The following PCNX1 variants were observed in gnomAD, a reference collection of about 807,000 sequenced individuals.
PCNX1 encodes the protein pecanex 1, also known as pecanex-like protein 1.
Under a neutral mutation model 242.2 loss-of-function variants are expected in PCNX1, and 78 were observed. That is an observed-to-expected ratio of 0.32 (90% CI 0.27 to 0.39). PCNX1 has a LOEUF of 0.39. Ranked by LOEUF, PCNX1 falls within the 10% of genes least tolerant of loss-of-function variation. The pLI, the probability that PCNX1 is intolerant of heterozygous loss-of-function variation, is 1.00. For synonymous variants in PCNX1, 1,024 were observed against 1,032.9 expected (o/e 0.99, Z 0.17); for missense variants, 2,581 against 2,856.5 (o/e 0.90, Z 2.20).
intron 12 of PCNX1, among the ~76,000 whole-genome samples, chr14:71,022,976 C>A (rs182500621): frequency 6.2e-4 from 94 of 152,130 alleles, no homozygotes; most frequent in Non-Finnish European, 1.0e-3. Flanking sequence ...ACATAATAAT[C>A]TTATTTCCTG....
intron 33 of PCNX1, among the ~76,000 whole-genome samples, chr14:71,106,074 T>C (rs10151552): frequency 1.7e-3 from 258 of 151,736 alleles, no homozygotes; most frequent in African/African-American, 5.8e-3. Context: ...AGTGCAGTGG[T>C]GCCATCTCGG....
intron 8 of PCNX1, among the ~76,000 whole-genome samples, chr14:71,003,979 A>G (rs1291101081): frequency 1.3e-5 from 2 of 152,232 alleles, no homozygotes; most frequent in East Asian, 1.9e-4. Context: ...CCTGATTTCC[A>G]TTGTATCATG....
At position 71,028,730 on chromosome 14, in the gene PCNX1, GTT is replaced by G; in HGVS notation, c.3500_3501del (p.Phe1167TyrfsTer3). The G allele has an allele frequency of 6.2e-7, 1 of 1,608,154 alleles. No individual in the cohort carries two copies. Among genetic ancestry groups the G allele is most frequent in the Non-Finnish European group, 8.5e-7 (1 of 1,177,188 alleles). On this transcript the variant is annotated frameshift_variant, in exon 16 of 36. Coordinates refer to ENST00000304743, the MANE Select transcript of PCNX1 (RefSeq NM_014982.3). LOFTEE classifies it high-confidence loss of function. ...ACAAGCCTGCTTGCAGCACTTTACAGTTTTATCTGTAGCATTGTTGCAGTAGC... is the reference window on the plus strand; with the variant it reads ...ACAAGCCTGCTTGCAGCACTTTACAGTTATCTGTAGCATTGTTGCAGTAGC...
chr14:70,978,009 A>G lies in PCNX1; in HGVS notation c.1672A>G (p.Lys558Glu). ...AATCCATCGGACAGCTTCTGCCCACAAGTCAGGCAGGAGACGCACAGGAAA... is the reference window on the plus strand; with the variant it reads ...AATCCATCGGACAGCTTCTGCCCACGAGTCAGGCAGGAGACGCACAGGAAA... ...SVIHRTASAH[K>E]SGRRRTGKKR... is the part of the protein sequence containing the mutation. The change falls in exon 6 of 36, where the codon AAG becomes GAG. Residue 558 changes from lysine (K) to glutamate (E), a missense_variant. Transcript: ENST00000304743. The G allele has an allele frequency of 6.2e-7, 1 of 1,614,136 alleles. No homozygotes were observed.
chr14:71,031,798 A>G (rs2060392701), intron 16 of PCNX1: 5 of 1,475,090 alleles, frequency 3.4e-6, no homozygotes, highest in Non-Finnish European at 4.7e-6. Flanking sequence ...CAGGGAGCCC[A>G]TGCATAGCTT....
Position 71,013,108 on chromosome 14 carries a change from C to T in PCNX1, c.2902C>T (p.Gln968Ter), listed in dbSNP as rs982641843. 1 of 1,614,060 alleles carries T rather than the reference C, an allele frequency of 6.2e-7. No homozygotes were observed. The highest frequency in any genetic ancestry group is 1.1e-5 in the South Asian group (1 of 91,072). Residue 968 changes from glutamine to a stop codon, truncating the protein, a stop_gained, in exon 11 of 36, where the codon CAA (glutamine) becomes TAA (stop). Coordinates refer to ENST00000304743, the MANE Select transcript of PCNX1 (RefSeq NM_014982.3). LOFTEE classifies it high-confidence loss of function. ...ATYGPTEEAA[Q>*]KVKHYYRFWI... is the part of the protein sequence containing the mutation. The stretch of plus-strand genomic sequence containing the variant: ...TTACGGCCCAACAGAAGAAGCTGCC[C>T]AAAAGGTTAAACACTATTATCGCTT...
chr14:71,102,039 A>C lies in PCNX1; in HGVS notation c.5639A>C (p.Glu1880Ala), dbSNP rs1420698240. 1.2e-6 allele frequency: 2 copies of C among 1,613,736 alleles called. No individual in the cohort carries two copies. Among genetic ancestry groups the C allele is most frequent in the Non-Finnish European group, 8.5e-7 (1 of 1,179,662 alleles). ...DEYDDPTVLY[E>A]AIVSHEKNLV... ...TATGATGACCCTACTGTGCTCTATGAAGCCATAGTATCTCATGAGAAGAAC... is the reference window on the plus strand; with the variant it reads ...TATGATGACCCTACTGTGCTCTATGCAGCCATAGTATCTCATGAGAAGAAC... Residue 1880 changes from glutamate to alanine, a missense_variant, in exon 31 of 36, where the codon GAA becomes GCA. Transcript: ENST00000304743.
Position 71,030,208 on chromosome 14 carries a change from T to A in PCNX1, c.3558+1417T>A, listed in dbSNP as rs376329794. Among the ~76,000 whole-genome samples the A allele has an allele frequency of 3.5e-3, 538 of 152,344 alleles. 1 individual carries two copies. Among genetic ancestry groups the A allele is most frequent in the African/African-American group, 0.013 (522 of 41,578 alleles). On this transcript the variant is annotated intron_variant, in intron 16 of 35. Coordinates refer to ENST00000304743, the MANE Select transcript of PCNX1 (RefSeq NM_014982.3). ...TGTTTTACCTTCCTCAGACTTACTATTTTTAACTGATTCTTTTTGGCATTT... is the reference window on the plus strand; with the variant it reads ...TGTTTTACCTTCCTCAGACTTACTAATTTTAACTGATTCTTTTTGGCATTT...
chr14:71,077,823 CTT>C (rs1301792328), intron 28 of PCNX1, among the ~76,000 whole-genome samples: 1 of 152,082 alleles, frequency 6.6e-6, no homozygotes, highest in African/African-American at 2.4e-5. Flanking sequence ...CTTGAACTGA[CTT>C]TTGTTGGGGA....
chr14:71,026,252 C>T lies in PCNX1; in HGVS notation c.3319C>T (p.Pro1107Ser), dbSNP rs747674460. ...FKLYGITFTN[P>S]LVFISARDLV... ...ATTATATGGAATAACTTTCACCAAT[C>T]CACTGGTGTTTATATCAGCCAGGGA... is the stretch of plus-strand genomic sequence containing the variant. Residue 1107 changes from proline (P) to serine (S), a missense_variant, in exon 14 of 36, where the codon CCA (proline) becomes TCA (serine). Physicochemically the swap from Pro to Ser is moderately conservative, Grantham distance 74. This residue lies in a region of PCNX1 where 432 missense variants were observed against 443.1 expected (regional missense o/e 0.97). Coordinates refer to ENST00000304743, the MANE Select transcript of PCNX1 (RefSeq NM_014982.3). The T allele has an allele frequency of 1.8e-5, 29 of 1,608,956 alleles. No homozygotes were observed. The South Asian group carries it at 3.1e-4, about 17-fold the overall frequency.
chr14:70,941,873 T>G (rs955047532), intron 1 of PCNX1, among the ~76,000 whole-genome samples: 3 of 152,192 alleles, frequency 2.0e-5, no homozygotes, highest in Non-Finnish European at 4.4e-5. Context: ...TGCAGTTTGA[T>G]CTGAGACTGC....
At chr14:70,980,275 A>G (rs2058800465) in intron 6 of PCNX1, among the ~76,000 whole-genome samples, 1 of 151,728 alleles carries the variant, frequency 6.6e-6, no homozygotes, top group Non-Finnish European at 1.5e-5. Context: ...GTTACCTGAA[A>G]GGTGTTATTT....
chr14:71,003,080 CTTTTT>C (rs3083307), intron 8 of PCNX1, among the ~76,000 whole-genome samples: 292 of 95,482 alleles, frequency 3.1e-3, no homozygotes, highest in African/African-American at 0.013. Context: ...TGGTTGTCTT[CTTTTT>C]TTTTTTTTTT....
chr14:70,921,955 G>A (rs2056395646), intron 1 of PCNX1, among the ~76,000 whole-genome samples: 2 of 152,052 alleles, frequency 1.3e-5, no homozygotes, highest in East Asian at 1.9e-4. Context: ...AATATATGTC[G>A]GGATAGGTGA....
chr14:71,067,761 C>T (rs1421976654), intron 26 of PCNX1, among the ~76,000 whole-genome samples: 1 of 152,098 alleles, frequency 6.6e-6, no homozygotes, highest in Non-Finnish European at 1.5e-5. Context: ...AAATTTCTCT[C>T]TAAACACTGC....
intron 6 of PCNX1, among the ~76,000 whole-genome samples, chr14:70,985,567 A>G (rs1314305825): frequency 6.6e-6 from 1 of 152,214 alleles, no homozygotes; most frequent in Non-Finnish European, 1.5e-5. Flanking sequence ...TTTAACACAA[A>G]TAAATGATTA....
rs866456484 is a variant in PCNX1, at chr14:71,006,129, G to C, written c.2630-3505G>C. 9.1e-3 allele frequency among the ~76,000 whole-genome samples: 939 copies of C among 102,632 alleles called. 9 individuals are homozygous for C. The highest frequency in any genetic ancestry group is 0.017 in the Middle Eastern group (4 of 232). 67.3% of individuals were successfully genotyped at this position (102,632 alleles called of 152,430 possible). A position where few individuals can be genotyped will look rare whatever the true frequency, so the allele number is the denominator to read the frequency against. ...TGTGTGTGTGTGTGTGTGTGTGTGT[G>C]TGTGTGTGTGTGTGTGTGTGTGTGT... On this transcript the variant is annotated intron_variant, in intron 8 of 35. Coordinates refer to ENST00000304743, the MANE Select transcript of PCNX1 (RefSeq NM_014982.3).
At chr14:70,951,120 G>A (rs1235846463) in intron 2 of PCNX1, among the ~76,000 whole-genome samples, 4 of 151,542 alleles carry the variant, frequency 2.6e-5, no homozygotes, top group African/African-American at 9.7e-5. Context: ...ATTTGTTTAG[G>A]TTTGTTTATC....
chr14:71,051,012 T>C (rs73295552), intron 23 of PCNX1, among the ~76,000 whole-genome samples: 4,318 of 150,982 alleles, frequency 0.029, 179 homozygotes, highest in African/African-American at 0.098. Context: ...CCACTGAAAA[T>C]ACTAAATGAG....
Sources: gnomAD v4.1 joint callset for allele counts (sites outside exome capture counted in the v4.1 genomes callset) on GRCh38, gnomAD v4.1.1 for gene constraint, gnomAD v4.1.1 regional missense constraint, MANE v1.5 for transcripts, NCBI Gene and HGNC (gene_info 2026-07-23, HGNC 2026-07-21) for gene names.